The following PRR5L variants were observed in gnomAD, a reference collection of about 807,000 sequenced individuals.
The protein encoded by PRR5L is proline rich 5 like, also known as proline-rich protein 5-like.
A neutral mutation model predicts 36.4 loss-of-function variants in PRR5L; 21 were observed. The observed-to-expected ratio is 0.58, with a 90% CI of 0.41 to 0.83. The LOEUF is 0.83. PRR5L is among the 40% of genes least tolerant of loss of function. PRR5L has a pLI of 0.00. For missense variants in PRR5L, 381 were observed against 473.3 expected, an observed-to-expected ratio of 0.80 and a Z score of 1.81; for synonymous variants, 188 against 197.0, an observed-to-expected ratio of 0.95 and a Z score of 0.38.
intron 1 of PRR5L, among the ~76,000 whole-genome samples, chr11:36,304,001 T>C (rs1251332386): frequency 4.6e-5 from 7 of 152,060 alleles, no homozygotes; most frequent in African/African-American, 7.2e-5. Context: ...CCCTAAGAGG[T>C]GGAGCTCAGT....
At chr11:36,415,925 G>A (rs1858132856) in intron 3 of PRR5L, among the ~76,000 whole-genome samples, 1 of 152,170 alleles carries the variant, frequency 6.6e-6, no homozygotes, top group African/African-American at 2.4e-5. Flanking sequence ...TTAGTGTTGT[G>A]TAAACTAAAA....
chr11:36,450,123 C>A (rs1425768549), intron 7 of PRR5L, among the ~76,000 whole-genome samples: 1 of 152,152 alleles, frequency 6.6e-6, no homozygotes, highest in Non-Finnish European at 1.5e-5. Flanking sequence ...CAAGGAAGAG[C>A]CTGTTTCCTT....
At chr11:36,432,535 C>G (rs904853289) in intron 5 of PRR5L, among the ~76,000 whole-genome samples, 3 of 152,162 alleles carry the variant, frequency 2.0e-5, no homozygotes, top group Non-Finnish European at 4.4e-5. Flanking sequence ...TTAGCTCCCA[C>G]CAAAGTGGGG....
At chr11:36,425,141 G>A (rs189700115) in intron 4 of PRR5L, among the ~76,000 whole-genome samples, 9 of 152,324 alleles carry the variant, frequency 5.9e-5, no homozygotes, top group Non-Finnish European at 1.5e-5. Flanking sequence ...GTTTTGATGA[G>A]TCCTGCATGA....
Position 36,463,022 on chromosome 11 carries a change from T to C in PRR5L, c.*286T>C. The stretch of plus-strand genomic sequence containing the variant: ...TGACTCAGATCCTCATCTCTGGGCC[T>C]TTCTCCCTCCGATGTTGGACTGCCT... On this transcript the variant is annotated 3_prime_UTR_variant, in exon 9 of 9. Coordinates refer to ENST00000530639, the MANE Select transcript of PRR5L (RefSeq NM_001160167.2). 2.9e-6 allele frequency: 1 copy of C among 341,220 alleles called. No individual in the cohort carries two copies. Among genetic ancestry groups the C allele is most frequent in the Middle Eastern group, 7.7e-4 (1 of 1,292 alleles). The allele number at this position is 341,220 out of a possible 1,614,324, so 21.1% of individuals were successfully genotyped here. A position where few individuals can be genotyped will look rare whatever the true frequency, so the allele number is the denominator to read the frequency against.
At chr11:36,402,326 C>G (rs1176470983) in intron 2 of PRR5L, among the ~76,000 whole-genome samples, 2 of 152,226 alleles carry the variant, frequency 1.3e-5, no homozygotes, top group Non-Finnish European at 2.9e-5. Flanking sequence ...TAACTGCAAT[C>G]TCTGCCTCCC....
chr11:36,384,834 G>A (rs1857429465), intron 1 of PRR5L, among the ~76,000 whole-genome samples: 1 of 143,406 alleles, frequency 7.0e-6, no homozygotes, highest in Admixed American at 7.2e-5. Flanking sequence ...CACCATGCCT[G>A]GCTTTTTTTT....
intron 1 of PRR5L, among the ~76,000 whole-genome samples, chr11:36,382,506 G>A (rs182771586): frequency 5.3e-5 from 8 of 152,318 alleles, no homozygotes; most frequent in Admixed American, 3.9e-4. Flanking sequence ...CACAGAATCC[G>A]ATTCAGTAGG....
chr11:36,355,904 C>T (rs1857022576), intron 1 of PRR5L, among the ~76,000 whole-genome samples: 1 of 151,352 alleles, frequency 6.6e-6, no homozygotes, highest in African/African-American at 2.4e-5. Context: ...CCTATTAACA[C>T]CTGATCTTTG....
At position 36,328,688 on chromosome 11, in the gene PRR5L, T is replaced by C. The variant is rs142232858; in HGVS notation, c.-126+32250T>C. 8.6e-3 allele frequency among the ~76,000 whole-genome samples: 1,306 copies of C among 152,322 alleles called. 16 individuals are homozygous for C. Among genetic ancestry groups the C allele is most frequent in the African/African-American group, 0.03 (1,254 of 41,562 alleles). ...AGTATATGTTTTTCCCGATGCCAACTTCTCATCTCCAGTGATAGGAATCTA... is the reference window on the plus strand; with the variant it reads ...AGTATATGTTTTTCCCGATGCCAACCTCTCATCTCCAGTGATAGGAATCTA... On this transcript the variant is annotated intron_variant, in intron 1 of 8. Transcript: ENST00000530639.
At chr11:36,457,041 C>A (rs1444820389) in intron 8 of PRR5L, among the ~76,000 whole-genome samples, 2 of 152,212 alleles carry the variant, frequency 1.3e-5, no homozygotes, top group Non-Finnish European at 1.5e-5. Flanking sequence ...CCATTTGCTG[C>A]CTGGGCCCTC....
intron 1 of PRR5L, chr11:36,323,261 T>C (rs1856630108): frequency 6.6e-6 from 1 of 152,218 alleles, no homozygotes. Flanking sequence ...GGTAGACTAG[T>C]AGGAAGTGGG....
intron 1 of PRR5L, among the ~76,000 whole-genome samples, chr11:36,327,375 G>T (rs1352427243): frequency 6.6e-6 from 1 of 152,108 alleles, no homozygotes; most frequent in Non-Finnish European, 1.5e-5. Context: ...TTCAAACAGA[G>T]ATCCTAAGAC....
chr11:36,299,884 C>A (rs568510728), intron 1 of PRR5L, among the ~76,000 whole-genome samples: 1 of 152,216 alleles, frequency 6.6e-6, no homozygotes, highest in South Asian at 2.1e-4. Flanking sequence ...TAAACAACAA[C>A]AACAACAACA....
At position 36,351,578 on chromosome 11, in the gene PRR5L, A is replaced by T. The variant is rs1444275591; in HGVS notation, c.-125-49419A>T. ...ATTTATATATTTATATATTTATATA[A>T]ATATATATTTATATATTTATATAAA... On this transcript the variant is annotated intron_variant, in intron 1 of 8. Transcript: ENST00000530639. Among the ~76,000 whole-genome samples the T allele has an allele frequency of 4.4e-3, 35 of 7,964 alleles. 6 individuals carry two copies. The highest frequency in any genetic ancestry group is 5.5e-3 in the Non-Finnish European group (31 of 5,586). 5.2% of individuals were successfully genotyped at this position (7,964 alleles called of 152,430 possible).
chr11:36,398,754 G>A (rs1395624747), intron 1 of PRR5L: 2 of 152,222 alleles, frequency 1.3e-5, no homozygotes, highest in Non-Finnish European at 2.9e-5. Flanking sequence ...AGAAGTGGAC[G>A]GGGACAGGAG....
chr11:36,383,670 C>A (rs563978286), intron 1 of PRR5L, among the ~76,000 whole-genome samples: 2 of 149,692 alleles, frequency 1.3e-5, no homozygotes, highest in East Asian at 3.9e-4. Context: ...CAGCATTAGG[C>A]TTTCCTGTCT....
intron 1 of PRR5L, among the ~76,000 whole-genome samples, chr11:36,393,248 T>C (rs1194779247): frequency 6.6e-6 from 1 of 152,204 alleles, no homozygotes; most frequent in African/African-American, 2.4e-5. Context: ...ACTCAAGAAA[T>C]CTTTGCCCAG....
chr11:36,385,615 G>A (rs1857444509), intron 1 of PRR5L, among the ~76,000 whole-genome samples: 1 of 152,234 alleles, frequency 6.6e-6, no homozygotes, highest in African/African-American at 2.4e-5. Flanking sequence ...TCGGTTTCCA[G>A]TAGCGCCTGA....
Sources: allele counts gnomAD v4.1 joint callset (sites outside exome capture counted in the v4.1 genomes callset), GRCh38; gene constraint gnomAD v4.1.1; transcripts MANE v1.5; gene names NCBI Gene and HGNC (gene_info 2026-07-23, HGNC 2026-07-21).